ACVR2A: variants seen among roughly 807,000 people sequenced by gnomAD.
ACVR2A encodes the protein activin receptor type-2A.
Under a neutral mutation model 61.4 loss-of-function variants are expected in ACVR2A, and 7 were observed. The observed-to-expected ratio is 0.11, with a 90% confidence interval of 0.06 to 0.21. ACVR2A has a LOEUF of 0.21. Among genes scored for constraint, ACVR2A ranks in the 10% least tolerant of loss-of-function variants. The pLI is 1.00. For missense variants in ACVR2A, 322 were observed against 621.7 expected (o/e 0.52, Z 5.13); for synonymous variants, 193 against 208.3 (o/e 0.93, Z 0.63).
At chr2:147,859,356 C>G (rs1685668387) in intron 1 of ACVR2A, among the ~76,000 whole-genome samples, 1 of 151,904 alleles carries the variant, frequency 6.6e-6, no homozygotes, top group Non-Finnish European at 1.5e-5. Flanking sequence ...CTAAAAAGAG[C>G]TTTCTGTGTG....
intron 1 of ACVR2A, among the ~76,000 whole-genome samples, chr2:147,889,485 C>A (rs1178150693): frequency 2.0e-5 from 3 of 152,148 alleles, no homozygotes; most frequent in Admixed American, 6.5e-5. Flanking sequence ...TGGCTCACGC[C>A]TGTAATCCCA....
At chr2:147,852,774 TAATATGAAGGAAA>T (rs1254661309) in intron 1 of ACVR2A, among the ~76,000 whole-genome samples, 1 of 152,024 alleles carries the variant, frequency 6.6e-6, no homozygotes, top group Non-Finnish European at 1.5e-5. Flanking sequence ...GGAAGGATGT[TAATATGAAGGAAA>T]AGACACAAAA....
At chr2:147,925,840 T>C in intron 9 of ACVR2A, 191 bp from the exon 10 acceptor site, 1 of 519,376 alleles carries the variant, frequency 1.9e-6, no homozygotes, top group Non-Finnish European at 3.3e-6. Context: ...ATTATAGGCC[T>C]TTTCATTTCC....
chr2:147,886,603 T>TA (rs1430659733), intron 1 of ACVR2A, among the ~76,000 whole-genome samples: 1 of 152,226 alleles, frequency 6.6e-6, no homozygotes, highest in Non-Finnish European at 1.5e-5. Context: ...GTGAAATTGA[T>TA]AATTGTAAAA....
At chr2:147,893,935 T>C (rs951334196) in intron 1 of ACVR2A, among the ~76,000 whole-genome samples, 2 of 152,194 alleles carry the variant, frequency 1.3e-5, no homozygotes, top group African/African-American at 4.8e-5. Context: ...AAGAAATCTT[T>C]CGTAATTCAG....
intron 4 of ACVR2A, among the ~76,000 whole-genome samples, chr2:147,908,302 C>T (rs955206714): frequency 2.0e-5 from 3 of 152,066 alleles, no homozygotes; most frequent in African/African-American, 7.2e-5. Flanking sequence ...AGCATCAACC[C>T]CAAAAAGAGA....
rs371936573 is a variant in ACVR2A, at chr2:147,926,986, A to G, written c.1348-94A>G. Reference sequence around the variant, plus strand: ...ATGTTGACAGAAACTTCTTTGACCCAGAAAAATAGCCATTTCTTCATGAAA... The same window carrying G: ...ATGTTGACAGAAACTTCTTTGACCCGGAAAAATAGCCATTTCTTCATGAAA... On this transcript the variant is annotated intron_variant, in intron 10 of 10. Transcript: ENST00000241416. 39 of 1,229,634 alleles carry G rather than the reference A, an allele frequency of 3.2e-5. No homozygotes were observed. The African/African-American group carries it at 5.3e-4, about 17-fold the overall frequency. The allele number at this position is 1,229,634 out of a possible 1,614,324, so 76.2% of individuals were successfully genotyped here.
chr2:147,878,849 C>A (rs1057024984), intron 1 of ACVR2A, among the ~76,000 whole-genome samples: 1 of 151,844 alleles, frequency 6.6e-6, no homozygotes, highest in Non-Finnish European at 1.5e-5. Context: ...GTTAAGGCTG[C>A]AGTGAACTGT....
intron 1 of ACVR2A, among the ~76,000 whole-genome samples, chr2:147,873,634 A>G (rs747660557): frequency 6.6e-6 from 1 of 150,812 alleles, no homozygotes; most frequent in Admixed American, 6.6e-5. Flanking sequence ...AGGGAATTCT[A>G]TAGGAAATTA....
intron 1 of ACVR2A, among the ~76,000 whole-genome samples, chr2:147,867,216 T>C (rs898064340): frequency 6.6e-6 from 1 of 152,120 alleles, no homozygotes; most frequent in African/African-American, 2.4e-5. Flanking sequence ...TAGTGAAATG[T>C]AGATGAGGAA....
At chr2:147,849,258 T>G (rs1256320677) in intron 1 of ACVR2A, among the ~76,000 whole-genome samples, 1 of 152,190 alleles carries the variant, frequency 6.6e-6, no homozygotes, top group African/African-American at 2.4e-5. Context: ...TGCCATGATA[T>G]GATCTTTAAG....
chr2:147,898,292 G>A (rs1157443587), intron 2 of ACVR2A: 1 of 152,002 alleles, frequency 6.6e-6, no homozygotes, highest in African/African-American at 2.4e-5. Context: ...TCAAAGTGTG[G>A]AAGAAAAGAA....
At chr2:147,874,738 G>A (rs935301121) in intron 1 of ACVR2A, among the ~76,000 whole-genome samples, 1 of 151,886 alleles carries the variant, frequency 6.6e-6, no homozygotes, top group Non-Finnish European at 1.5e-5. Flanking sequence ...AATCTACTAC[G>A]CACTGTGTTA....
At chr2:147,849,959 C>T (rs1685405538) in intron 1 of ACVR2A, among the ~76,000 whole-genome samples, 1 of 152,144 alleles carries the variant, frequency 6.6e-6, no homozygotes, top group African/African-American at 2.4e-5. Flanking sequence ...ATGATTTTCT[C>T]ATCTTTGATA....
intron 4 of ACVR2A, among the ~76,000 whole-genome samples, chr2:147,914,129 A>G (rs1166309894): frequency 6.6e-6 from 1 of 151,938 alleles, no homozygotes; most frequent in Non-Finnish European, 1.5e-5. Context: ...GGCAGAGAGG[A>G]TGCATTGATC....
At chr2:147,876,672 C>G (rs1478232873) in intron 1 of ACVR2A, among the ~76,000 whole-genome samples, 1 of 152,068 alleles carries the variant, frequency 6.6e-6, no homozygotes, top group African/African-American at 2.4e-5. Flanking sequence ...GTTGTTTCCT[C>G]TTCTTAATTT....
chr2:147,920,262 A>G lies in ACVR2A; in HGVS notation c.995A>G (p.Asn332Ser). The change falls in exon 8 of 11, where the codon AAC becomes AGC. Residue 332 changes from asparagine (N) to serine (S), a missense_variant. Asn to Ser is a conservative substitution (Grantham distance 46). Coordinates refer to ENST00000241416, the MANE Select transcript of ACVR2A (RefSeq NM_001616.5). ...DIKSKNVLLK[N>S]NLTACIADFG... ...AAAAGTAAAAATGTGCTGTTGAAAA[A>G]CAACCTGACAGCTTGCATTGCTGAC... The G allele has an allele frequency of 6.2e-7, 1 of 1,613,580 alleles. No individual in the cohort carries two copies. Among genetic ancestry groups the G allele is most frequent in the South Asian group, 1.1e-5 (1 of 91,042 alleles).
intron 4 of ACVR2A, among the ~76,000 whole-genome samples, chr2:147,910,447 G>A (rs1297161294): frequency 6.6e-6 from 1 of 152,136 alleles, no homozygotes; most frequent in Admixed American, 6.6e-5. Context: ...TGGATAAGAT[G>A]TTTTGATAGT....
At chr2:147,867,016 G>C (rs548914522) in intron 1 of ACVR2A, among the ~76,000 whole-genome samples, 145 of 152,260 alleles carry the variant, frequency 9.5e-4, no homozygotes, top group African/African-American at 3.3e-3. Context: ...GTCCAGAAAG[G>C]TAGAAGGAAA....
Sources: gnomAD v4.1 joint callset for allele counts (sites outside exome capture counted in the v4.1 genomes callset) on GRCh38, gnomAD v4.1.1 for gene constraint, MANE v1.5 for transcripts, NCBI Gene and HGNC (gene_info 2026-07-23, HGNC 2026-07-21) for gene names.